Variants in YWHAE observed in about 807,000 individuals in gnomAD.
YWHAE encodes 14-3-3 protein epsilon.
Under a neutral mutation model 30.1 loss-of-function variants are expected in YWHAE, and 4 were observed. The observed-to-expected ratio is 0.13, with a 90% CI of 0.07 to 0.30. YWHAE has a LOEUF of 0.30. Among genes scored for constraint, YWHAE ranks in the 10% least tolerant of loss-of-function variants. The probability of loss-of-function intolerance (pLI) is 1.00; values close to 1 mark genes in which losing one functional copy is unlikely to be tolerated. For synonymous variants in YWHAE, 118 were observed against 111.8 expected, an observed-to-expected ratio of 1.06 and a Z score of -0.35; for missense variants, 121 against 315.9, an observed-to-expected ratio of 0.38 and a Z score of 4.68.
chr17:1,361,971 A>T lies in YWHAE; in HGVS notation c.302T>A (p.Leu101Gln). 2 of 1,605,416 alleles carry T rather than the reference A, an allele frequency of 1.2e-6. No individual in the cohort carries two copies. Among genetic ancestry groups the T allele is most frequent in the Non-Finnish European group, 1.7e-6 (2 of 1,177,588 alleles). ...AATGAGGTGTTTGTCCAGTACATCC[A>T]GAATGTCACAACAGATTAACTTTAG... ...TELKLICCDI[L>Q]DVLDKHLIPA... The change falls in exon 3 of 6, where the codon CTG becomes CAG. Residue 101 changes from leucine to glutamine, a missense_variant. Coordinates refer to ENST00000264335, the MANE Select transcript of YWHAE (RefSeq NM_006761.5).
At chr17:1,376,028 T>C (rs2073116656) in intron 1 of YWHAE, among the ~76,000 whole-genome samples, 1 of 152,234 alleles carries the variant, frequency 6.6e-6, no homozygotes, top group Admixed American at 6.5e-5. Flanking sequence ...GTACCAGTAT[T>C]ATCCCATTTT....
chr17:1,372,566 TAAAC>T (rs2073058516), intron 1 of YWHAE, among the ~76,000 whole-genome samples: 1 of 152,222 alleles, frequency 6.6e-6, no homozygotes, highest in Non-Finnish European at 1.5e-5. Context: ...TCCTTTCTCT[TAAAC>T]ACTTAGAAGC....
At chr17:1,373,610 G>C (rs1389310503) in intron 1 of YWHAE, among the ~76,000 whole-genome samples, 1 of 151,992 alleles carries the variant, frequency 6.6e-6, no homozygotes, top group East Asian at 1.9e-4. Context: ...GGAGCTTGTA[G>C]TGAGTAGAGA....
chr17:1,349,528 AAATT>A (rs2072586380), intron 5 of YWHAE, among the ~76,000 whole-genome samples: 1 of 152,342 alleles, frequency 6.6e-6, no homozygotes, highest in South Asian at 2.1e-4. Flanking sequence ...CACCTAATAA[AAATT>A]AAGTGAAAAT....
chr17:1,357,466 G>A lies in YWHAE; in HGVS notation c.579-3119C>T, dbSNP rs187663488. Among the ~76,000 whole-genome samples, 707 of 151,250 alleles carry A rather than the reference G, an allele frequency of 4.7e-3. 5 individuals carry two copies. The highest frequency in any genetic ancestry group is 0.016 in the African/African-American group (670 of 41,172). Reference sequence around the variant, plus strand: ...GTGGTGGCGGGTGCCTGTAGTACCAGCTACTTGGGAGGCTGAGGCGAGAGA... The same window carrying A: ...GTGGTGGCGGGTGCCTGTAGTACCAACTACTTGGGAGGCTGAGGCGAGAGA... On this transcript the variant is annotated intron_variant, in intron 4 of 5. Transcript: ENST00000264335.
chr17:1,378,791 C>G (rs945209911), intron 1 of YWHAE, among the ~76,000 whole-genome samples: 5 of 151,934 alleles, frequency 3.3e-5, no homozygotes, highest in Admixed American at 6.6e-5. Context: ...ACTAAAAATA[C>G]CAAAAATTAG....
At chr17:1,348,572 G>A (rs1310824947) in intron 5 of YWHAE, among the ~76,000 whole-genome samples, 5 of 152,058 alleles carry the variant, frequency 3.3e-5, no homozygotes, top group Non-Finnish European at 7.4e-5. Flanking sequence ...TATTCACCAC[G>A]GAACCCAAGT....
At chr17:1,348,299 A>G (rs538457755) in intron 5 of YWHAE, among the ~76,000 whole-genome samples, 2 of 152,208 alleles carry the variant, frequency 1.3e-5, no homozygotes, top group Non-Finnish European at 2.9e-5. Flanking sequence ...ACAGGCAGGG[A>G]GAACATGTAT....
At chr17:1,347,929 A>G in intron 5 of YWHAE, 1 of 1,003,554 alleles carries the variant, frequency 1.0e-6, no homozygotes, top group African/African-American at 1.7e-5. Flanking sequence ...CAAAACTGAA[A>G]GCGGAATTCA....
chr17:1,355,228 C>T (rs1426532465), intron 4 of YWHAE, among the ~76,000 whole-genome samples: 3 of 116,056 alleles, frequency 2.6e-5, no homozygotes, highest in Non-Finnish European at 4.9e-5. Context: ...GGGATGTAGG[C>T]TAAATGCAAG....
In YWHAE at chr17:1,384,416, G is replaced by T. The variant is rs375926488; in HGVS notation, c.64+15631C>A. 5.9e-5 allele frequency among the ~76,000 whole-genome samples: 9 copies of T among 151,678 alleles called. No homozygotes were observed. In the East Asian group the frequency reaches 1.4e-3, roughly 24 times the overall value. On this transcript the variant is annotated intron_variant, in intron 1 of 5. Transcript: ENST00000264335. ...TGTAAAAAGATTTATGCTCGACCGGGCGCGGTGGCTCACGCCTGTAATCCC... is the reference window on the plus strand; with the variant it reads ...TGTAAAAAGATTTATGCTCGACCGGTCGCGGTGGCTCACGCCTGTAATCCC...
intron 1 of YWHAE, among the ~76,000 whole-genome samples, chr17:1,387,306 T>C (rs1390382556): frequency 1.3e-5 from 2 of 152,138 alleles, no homozygotes; most frequent in African/African-American, 2.4e-5. Flanking sequence ...TCGGCTGCAG[T>C]AGAACCAAAC....
chr17:1,352,398 T>C lies in YWHAE; in HGVS notation c.715+1813A>G, dbSNP rs964009972. 3 of 152,284 alleles carry C rather than the reference T, an allele frequency of 2.0e-5. No homozygotes were observed. The East Asian group carries it at 5.8e-4, about 29-fold the overall frequency. 9.4% of individuals were successfully genotyped at this position (152,284 alleles called of 1,614,324 possible). On this transcript the variant is annotated intron_variant, in intron 5 of 5. Coordinates refer to ENST00000264335, the MANE Select transcript of YWHAE (RefSeq NM_006761.5). ...AGAGAAAAGACACATACGTGCCCAC[T>C]TTCAGAAGCATTTTCAAAAAGTATA...
chr17:1,358,847 A>AG (rs1555640212), intron 4 of YWHAE, among the ~76,000 whole-genome samples: 2 of 148,446 alleles, frequency 1.3e-5, no homozygotes, highest in South Asian at 2.2e-4. Flanking sequence ...AAAAAAAAAA[A>AG]GGGCTGGCCA....
intron 1 of YWHAE, among the ~76,000 whole-genome samples, chr17:1,372,290 T>C (rs976875333): frequency 2.0e-5 from 3 of 152,356 alleles, no homozygotes; most frequent in Admixed American, 6.5e-5. Context: ...GAATTAGGCT[T>C]TGGCTTAAGG....
At chr17:1,394,306 G>A (rs1177686155) in intron 1 of YWHAE, among the ~76,000 whole-genome samples, 1 of 151,968 alleles carries the variant, frequency 6.6e-6, no homozygotes, top group Non-Finnish European at 1.5e-5. Context: ...ACTGCATAAT[G>A]TCATATACAC....
chr17:1,365,193 T>A, intron 1 of YWHAE, 135 bp from the exon 2 acceptor site: 2 of 1,031,848 alleles, frequency 1.9e-6, no homozygotes, highest in African/African-American at 1.6e-5. Flanking sequence ...TCATCAAAAC[T>A]AATATGAGTA....
chr17:1,394,460 A>AAAAACC (rs1555647412), intron 1 of YWHAE, among the ~76,000 whole-genome samples: 1 of 137,538 alleles, frequency 7.3e-6, no homozygotes. Flanking sequence ...AAAAAAAAAA[A>AAAAACC]ACACAAAAAT....
chr17:1,387,025 A>T (rs2073310851), intron 1 of YWHAE, among the ~76,000 whole-genome samples: 1 of 152,174 alleles, frequency 6.6e-6, no homozygotes, highest in South Asian at 2.1e-4. Context: ...ACTCCTTTCC[A>T]AATCAGCTTT....
Sources: gnomAD v4.1 joint callset for allele counts (sites outside exome capture counted in the v4.1 genomes callset) on GRCh38, gnomAD v4.1.1 for gene constraint, MANE v1.5 for transcripts, NCBI Gene and HGNC (gene_info 2026-07-23, HGNC 2026-07-21) for gene names.